Variants in ODF2L observed in about 807,000 individuals in gnomAD.
ODF2L encodes the protein protein BCAP.
A neutral mutation model predicts 86.3 loss-of-function variants in ODF2L; 76 were observed. That is an observed-to-expected ratio of 0.88 (90% CI 0.73 to 1.07). The LOEUF (loss-of-function observed/expected upper bound fraction) is 1.07. Among genes scored for constraint, ODF2L ranks in the 50% least tolerant of loss-of-function variants. The pLI is 0.00. For synonymous variants in ODF2L, 241 were observed against 231.3 expected (o/e 1.04, Z -0.38); for missense variants, 748 against 717.4 (o/e 1.04, Z -0.49).
chr1:86,390,626 C>G (rs1661257086), intron 1 of ODF2L, among the ~76,000 whole-genome samples: 2 of 152,088 alleles, frequency 1.3e-5, no homozygotes, highest in Non-Finnish European at 2.9e-5. Context: ...TTGACAAAAT[C>G]CAGCATCGCT....
intron 14 of ODF2L, 92 bp downstream of exon 13, chr1:86,356,352 T>C: frequency 2.0e-6 from 2 of 984,014 alleles, no homozygotes; most frequent in South Asian, 2.1e-5. Context: ...AATTTAAAAA[T>C]CAAGCCCTGA....
chr1:86,347,254 A>G (rs1657852243), downstream of ODF2L: 1 of 152,216 alleles, frequency 6.6e-6, no homozygotes, highest in Non-Finnish European at 1.5e-5. Context: ...ACATCTGTCC[A>G]TCTATCCACA....
At chr1:86,348,674 A>G, downstream of ODF2L, 5 of 1,189,862 alleles carry the variant, frequency 4.2e-6, no homozygotes, top group Non-Finnish European at 5.5e-6. Context: ...AACTGGTAGT[A>G]TATTTATTTT....
chr1:86,395,791 C>T (rs971149005), intron 1 of ODF2L, among the ~76,000 whole-genome samples: 1 of 152,154 alleles, frequency 6.6e-6, no homozygotes, highest in Admixed American at 6.5e-5. Flanking sequence ...TAACATTTGC[C>T]CTGATGTCCC....
exon 10 of ODF2L, chr1:86,371,066 T>C (rs760619337): frequency 1.3e-6 from 2 of 1,568,570 alleles, no homozygotes; most frequent in Admixed American, 3.6e-5. Context: ...CATATTCAAT[T>C]GAGTGAACTT....
chr1:86,384,423 A>G (rs1253175300), intron 4 of ODF2L, among the ~76,000 whole-genome samples: 5 of 151,776 alleles, frequency 3.3e-5, no homozygotes, highest in African/African-American at 4.8e-5. Flanking sequence ...CAAAAAGTGT[A>G]TATTTTATTA....
At chr1:86,379,813 A>G (rs2101187974) in intron 7 of ODF2L, among the ~76,000 whole-genome samples, 1 of 152,348 alleles carries the variant, frequency 6.6e-6, no homozygotes, top group South Asian at 2.1e-4. Flanking sequence ...TATAAGAGTC[A>G]TAAGATAAGT....
chr1:86,366,588 A>G (rs565597917), intron 11 of ODF2L, among the ~76,000 whole-genome samples: 100 of 141,982 alleles, frequency 7.0e-4, no homozygotes, highest in African/African-American at 2.6e-3. Context: ...CATCAGCAAC[A>G]GAGCAAGACT....
chr1:86,352,381 C>A (rs768667537), intron 17 of ODF2L, among the ~76,000 whole-genome samples: 6 of 152,070 alleles, frequency 3.9e-5, no homozygotes, highest in Non-Finnish European at 8.8e-5. Context: ...TTGGTATTTT[C>A]ATTTCATGGC....
At chr1:86,369,336 C>T (rs905553963) in intron 10 of ODF2L, among the ~76,000 whole-genome samples, 10 of 151,956 alleles carry the variant, frequency 6.6e-5, no homozygotes, top group African/African-American at 9.7e-5. Flanking sequence ...AAAAAGTAGC[C>T]GAAATAAGTG....
intron 1 of ODF2L, among the ~76,000 whole-genome samples, chr1:86,391,037 C>T (rs1473110654): frequency 6.6e-6 from 1 of 152,096 alleles, no homozygotes; most frequent in Non-Finnish European, 1.5e-5. Flanking sequence ...CCAACAGTGA[C>T]CACGCTGATA....
chr1:86,390,176 A>C (rs1224976429), intron 1 of ODF2L, among the ~76,000 whole-genome samples: 1 of 152,180 alleles, frequency 6.6e-6, no homozygotes, highest in Non-Finnish European at 1.5e-5. Flanking sequence ...TAATCCCAGC[A>C]CTTTGGGAGG....
chr1:86,353,000 A>G lies in ODF2L; in HGVS notation c.1768-16T>C, dbSNP rs766778690. 2.7e-6 allele frequency: 4 copies of G among 1,462,730 alleles called. No individual in the cohort carries two copies. Among genetic ancestry groups the G allele is most frequent in the East Asian group, 4.6e-5 (2 of 43,622 alleles). 90.6% of individuals were successfully genotyped at this position (1,462,730 alleles called of 1,614,324 possible). ...CTTCAGCAACCTGTAATTTTTATCA[A>G]AAGAGTAAAATAAAGTGCTTTCTTT... On this transcript the variant is annotated splice_polypyrimidine_tract_variant and intron_variant, in intron 16 of 17. Coordinates refer to ENST00000317336, the Ensembl canonical transcript of ODF2L.
intron 2 of ODF2L, 145 bp downstream of exon 2, chr1:86,386,769 TA>T (rs1660982992): frequency 2.1e-6 from 1 of 487,182 alleles, no homozygotes; most frequent in African/African-American, 2.0e-5. Context: ...GTAATCAGAT[TA>T]AATATATTTT....
chr1:86,394,235 G>A (rs1432614683), intron 1 of ODF2L, among the ~76,000 whole-genome samples: 2 of 152,070 alleles, frequency 1.3e-5, no homozygotes, highest in African/African-American at 2.4e-5. Flanking sequence ...CCATGAGATG[G>A]TGAAACCGCA....
intron 16 of ODF2L, 127 bp from the exon 16 acceptor site, chr1:86,353,111 G>T: frequency 3.2e-6 from 2 of 632,502 alleles, no homozygotes; most frequent in Non-Finnish European, 5.4e-6. Context: ...GTTTAAAGAT[G>T]TTCTATCTTG....
chr1:86,388,617 T>C (rs1364329112), intron 1 of ODF2L, among the ~76,000 whole-genome samples: 1 of 151,980 alleles, frequency 6.6e-6, no homozygotes, highest in East Asian at 1.9e-4. Flanking sequence ...TCAGGGATCA[T>C]TAAAAGACAA....
At chr1:86,391,152 A>G (rs1003878758) in intron 1 of ODF2L, among the ~76,000 whole-genome samples, 1 of 152,238 alleles carries the variant, frequency 6.6e-6, no homozygotes, top group Admixed American at 6.5e-5. Flanking sequence ...AGACCTCTAC[A>G]AGGAAAACTA....
chr1:86,352,656 A>G (rs1658223198), intron 17 of ODF2L, among the ~76,000 whole-genome samples: 1 of 152,052 alleles, frequency 6.6e-6, no homozygotes. Flanking sequence ...ATTTGATGGC[A>G]ATGCAATACA....
Sources: gnomAD v4.1 joint callset for allele counts (sites outside exome capture counted in the v4.1 genomes callset) on GRCh38, gnomAD v4.1.1 for gene constraint, MANE v1.5 for transcripts, NCBI Gene and HGNC (gene_info 2026-07-23, HGNC 2026-07-21) for gene names.